The following COG5 variants were observed in gnomAD, a reference collection of about 807,000 sequenced individuals.
COG5 encodes the protein component of oligomeric golgi complex 5, also known as conserved oligomeric Golgi complex subunit 5.
A neutral mutation model predicts 110.4 loss-of-function variants in COG5; 86 were observed. The observed-to-expected ratio is 0.78, with a 90% CI of 0.65 to 0.93. The LOEUF (loss-of-function observed/expected upper bound fraction) is 0.93, where lower values mean the gene tolerates loss of function less well. Ranked by LOEUF, COG5 falls within the 40% of genes least tolerant of loss-of-function variation. The pLI, the probability that COG5 is intolerant of heterozygous loss-of-function variation, is 0.00. For synonymous variants in COG5, 360 were observed against 334.6 expected, an observed-to-expected ratio of 1.08 and a Z score of -0.83; for missense variants, 1,077 against 987.0, an observed-to-expected ratio of 1.09 and a Z score of -1.22.
intron 12 of COG5, among the ~76,000 whole-genome samples, chr7:107,293,870 G>C (rs1584632943): frequency 6.6e-6 from 1 of 152,018 alleles, no homozygotes. Flanking sequence ...TCAGGAGTTC[G>C]AGACTAGCCT....
chr7:107,447,481 C>T (rs767862343), intron 6 of COG5, among the ~76,000 whole-genome samples: 1 of 152,048 alleles, frequency 6.6e-6, no homozygotes, highest in Non-Finnish European at 1.5e-5. Flanking sequence ...CTTTGTCACA[C>T]GATAATATAC....
chr7:107,421,217 A>G (rs988766573), intron 6 of COG5, among the ~76,000 whole-genome samples: 3 of 152,230 alleles, frequency 2.0e-5, no homozygotes, highest in African/African-American at 7.2e-5. Context: ...GTCAACAGAA[A>G]GATATTTCAG....
intron 2 of COG5, among the ~76,000 whole-genome samples, chr7:107,555,937 C>T (rs1803282599): frequency 6.6e-6 from 1 of 151,786 alleles, no homozygotes; most frequent in Non-Finnish European, 1.5e-5. Flanking sequence ...TCATTTGAAC[C>T]CGGGAGGCAG....
At chr7:107,362,137 G>C (rs781631914) in intron 9 of COG5, 27 bp from the exon 10 acceptor site, 1 of 1,556,788 alleles carries the variant, frequency 6.4e-7, no homozygotes, top group South Asian at 1.1e-5. Flanking sequence ...GTAAAGCTTA[G>C]GCAATAGAAA....
At chr7:107,458,282 T>C (rs1271993334) in intron 6 of COG5, among the ~76,000 whole-genome samples, 1 of 152,206 alleles carries the variant, frequency 6.6e-6, no homozygotes, top group Non-Finnish European at 1.5e-5. Context: ...AAGGTATCCC[T>C]GATGTACAAA....
At chr7:107,380,302 ATAAC>A (rs1424470555) in intron 7 of COG5, among the ~76,000 whole-genome samples, 2 of 152,220 alleles carry the variant, frequency 1.3e-5, no homozygotes, top group Non-Finnish European at 2.9e-5. Context: ...AAGACAAGAA[ATAAC>A]TAACATCAGA....
In COG5 at chr7:107,237,067, A is replaced by T. The variant is rs1390058739; in HGVS notation, c.1854-380T>A. On this transcript the variant is annotated intron_variant, in intron 17 of 21. Coordinates refer to ENST00000297135, the MANE Select transcript of COG5 (RefSeq NM_006348.5). ...GTTTTGCCTGCTAACTGAATGCATC[A>T]ATAATGGATCCTGAAATAGCATTTT... 2.0e-5 allele frequency among the ~76,000 whole-genome samples: 3 copies of T among 152,334 alleles called. No homozygotes were observed. In the South Asian group the frequency reaches 6.2e-4, roughly 32 times the overall value.
At chr7:107,334,265 G>A (rs1810514354) in intron 10 of COG5, among the ~76,000 whole-genome samples, 1 of 148,998 alleles carries the variant, frequency 6.7e-6, no homozygotes. Flanking sequence ...GAATGAGGCT[G>A]GAGGACATTA....
intron 6 of COG5, among the ~76,000 whole-genome samples, chr7:107,490,530 C>G (rs1302653674): frequency 6.6e-6 from 1 of 152,016 alleles, no homozygotes; most frequent in Non-Finnish European, 1.5e-5. Context: ...GATGTATGCT[C>G]CAAGTGATCC....
intron 1 of COG5, among the ~76,000 whole-genome samples, chr7:107,562,359 A>G (rs1356199906): frequency 6.6e-6 from 1 of 152,220 alleles, no homozygotes; most frequent in Non-Finnish European, 1.5e-5. Context: ...CACCTGGGGA[A>G]GTCCTGTCTA....
At chr7:107,512,683 T>G (rs1275273696) in intron 6 of COG5, among the ~76,000 whole-genome samples, 2 of 152,238 alleles carry the variant, frequency 1.3e-5, no homozygotes, top group Non-Finnish European at 1.5e-5. Context: ...AGCATGGTAC[T>G]GGTACCAAAA....
intron 6 of COG5, among the ~76,000 whole-genome samples, chr7:107,505,341 G>A (rs1322531438): frequency 3.3e-5 from 5 of 152,166 alleles, no homozygotes; most frequent in African/African-American, 1.2e-4. Flanking sequence ...TCTTACCAGA[G>A]GGAGGGACTG....
chr7:107,550,932 C>T (rs972660708), intron 3 of COG5, among the ~76,000 whole-genome samples: 1 of 151,392 alleles, frequency 6.6e-6, no homozygotes, highest in African/African-American at 2.4e-5. Context: ...GAACATAGTT[C>T]CAAAAGGACA....
intron 6 of COG5, among the ~76,000 whole-genome samples, chr7:107,509,700 T>C (rs1180947492): frequency 6.7e-6 from 1 of 149,544 alleles, no homozygotes; most frequent in Non-Finnish European, 1.5e-5. Context: ...AGCGGATCTC[T>C]CGGCAGAAAC....
intron 6 of COG5, among the ~76,000 whole-genome samples, chr7:107,414,533 T>C (rs1425121234): frequency 6.6e-6 from 1 of 152,004 alleles, no homozygotes; most frequent in African/African-American, 2.4e-5. Flanking sequence ...TTTACTAGGC[T>C]TTCAATATTC....
At chr7:107,458,140 T>C (rs566333244) in intron 6 of COG5, among the ~76,000 whole-genome samples, 78 of 152,284 alleles carry the variant, frequency 5.1e-4, no homozygotes, top group Non-Finnish European at 7.9e-4. Context: ...AGAGCTATTA[T>C]TGAGTGAAAG....
intron 11 of COG5, 144 bp downstream of exon 11, chr7:107,324,296 A>G: frequency 1.7e-6 from 1 of 586,444 alleles, no homozygotes; most frequent in Non-Finnish European, 3.0e-6. Context: ...CAGATTAAAC[A>G]TCTAGACAAA....
intron 6 of COG5, among the ~76,000 whole-genome samples, chr7:107,464,704 A>G (rs774600207): frequency 6.6e-6 from 1 of 152,152 alleles, no homozygotes; most frequent in Non-Finnish European, 1.5e-5. Flanking sequence ...GGATGCTAAC[A>G]TAAGATGTAA....
chr7:107,508,222 A>G (rs1007818979), intron 6 of COG5, among the ~76,000 whole-genome samples: 1 of 152,258 alleles, frequency 6.6e-6, no homozygotes, highest in African/African-American at 2.4e-5. Context: ...ACGGCACACC[A>G]GGGGATTATA....
Sources: allele counts gnomAD v4.1 joint callset (sites outside exome capture counted in the v4.1 genomes callset), GRCh38; gene constraint gnomAD v4.1.1; transcripts MANE v1.5; gene names NCBI Gene and HGNC (gene_info 2026-07-23, HGNC 2026-07-21).